IGF2R: variants seen among roughly 807,000 people sequenced by gnomAD.
IGF2R encodes insulin like growth factor 2 receptor, also known as cation-independent mannose-6-phosphate receptor.
IGF2R carries 91 observed loss-of-function variants against 270.6 expected under a neutral mutation model. The ratio of observed to expected loss-of-function variants is 0.34; its 90% CI spans 0.28 to 0.40. The LOEUF (loss-of-function observed/expected upper bound fraction) is 0.40. Among genes scored for constraint, IGF2R ranks in the 10% least tolerant of loss-of-function variants. The probability of loss-of-function intolerance (pLI) is 1.00; values close to 1 mark genes in which losing one functional copy is unlikely to be tolerated. For synonymous variants in IGF2R, 1,316 were observed against 1,258.9 expected, an observed-to-expected ratio of 1.05 and a Z score of -0.96; for missense variants, 2,805 against 3,188.3, an observed-to-expected ratio of 0.88 and a Z score of 2.90.
intron 39 of IGF2R, among the ~76,000 whole-genome samples, chr6:160,082,417 C>T (rs1459470774): frequency 6.6e-6 from 1 of 151,858 alleles, no homozygotes; most frequent in Non-Finnish European, 1.5e-5. Context: ...TCAAGTGATA[C>T]TCCTGCCTCA....
At chr6:160,008,121 G>T (rs926826249) in intron 2 of IGF2R, among the ~76,000 whole-genome samples, 3 of 152,210 alleles carry the variant, frequency 2.0e-5, no homozygotes, top group African/African-American at 2.4e-5. Context: ...ACAAGTTTGT[G>T]TTGGGCTGCA....
intron 17 of IGF2R, 82 bp downstream of exon 17, chr6:160,047,989 C>A: frequency 1.1e-6 from 1 of 919,264 alleles, no homozygotes; most frequent in Admixed American, 1.8e-5. Context: ...TGTGACTGAG[C>A]TGATGATGGG....
At chr6:159,981,313 CTG>C (rs557355544) in intron 1 of IGF2R, among the ~76,000 whole-genome samples, 20 of 151,674 alleles carry the variant, frequency 1.3e-4, no homozygotes, top group African/African-American at 3.6e-4. Context: ...GTCTGAGTGT[CTG>C]TGAGTGCAAG....
At chr6:160,086,786 A>G (rs1779105885) in intron 41 of IGF2R, among the ~76,000 whole-genome samples, 1 of 152,208 alleles carries the variant, frequency 6.6e-6, no homozygotes, top group Non-Finnish European at 1.5e-5. Flanking sequence ...AGCAGCCCTC[A>G]GTACCTCAGC....
At chr6:160,087,730 C>T (rs1470096286) in intron 41 of IGF2R, among the ~76,000 whole-genome samples, 1 of 152,170 alleles carries the variant, frequency 6.6e-6, no homozygotes, top group African/African-American at 2.4e-5. Context: ...AGTGCAATGG[C>T]GCCATCTCGA....
At chr6:160,061,037 G>GA (rs1023927984) in intron 23 of IGF2R, among the ~76,000 whole-genome samples, 61 of 150,570 alleles carry the variant, frequency 4.1e-4, no homozygotes, top group African/African-American at 1.5e-3. Flanking sequence ...ATTTGAGGGT[G>GA]AAAAAAAAAG....
chr6:160,030,759 A>C (rs1777677822), intron 7 of IGF2R, among the ~76,000 whole-genome samples: 1 of 150,598 alleles, frequency 6.6e-6, no homozygotes, highest in African/African-American at 2.4e-5. Flanking sequence ...AAGGGGTATG[A>C]GGCATTTCTT....
At chr6:160,078,410 A>G in intron 37 of IGF2R, 48 bp downstream of exon 37, 1 of 1,563,862 alleles carries the variant, frequency 6.4e-7, no homozygotes, top group Non-Finnish European at 8.8e-7. Context: ...ACCAGGTGCC[A>G]GGTGCTGTGA....
intron 43 of IGF2R, 149 bp downstream of exon 43, chr6:160,089,402 T>G: frequency 1.5e-6 from 1 of 659,896 alleles, no homozygotes; most frequent in South Asian, 2.3e-5. Context: ...TTGCTTAAAC[T>G]GAGGAAAAGC....
At chr6:160,088,833 C>CACATTACTGATG (rs1157229088) in intron 42 of IGF2R, among the ~76,000 whole-genome samples, 2 of 152,172 alleles carry the variant, frequency 1.3e-5, no homozygotes, top group Non-Finnish European at 2.9e-5. Context: ...CTGATGTGTG[C>CACATTACTGATG]ACCACAGTCA....
rs944777265 is a variant in IGF2R at position 160,042,008 on chromosome 6, T to A, written c.1481-1140T>A. 2.6e-4 allele frequency among the ~76,000 whole-genome samples: 40 copies of A among 151,826 alleles called. 1 individual carries two copies. The highest frequency in any genetic ancestry group is 5.2e-4 in the Non-Finnish European group (35 of 67,942). ...TTCCTTAAGTTAACTTTTTTTTTTT[T>A]AAACATTACTGTGTATAAGAGACAA... On this transcript the variant is annotated intron_variant, in intron 11 of 47. Coordinates refer to ENST00000356956, the MANE Select transcript of IGF2R (RefSeq NM_000876.4).
intron 2 of IGF2R, among the ~76,000 whole-genome samples, chr6:159,994,888 A>G (rs1307385100): frequency 6.6e-6 from 1 of 152,148 alleles, no homozygotes; most frequent in African/African-American, 2.4e-5. Flanking sequence ...AGACTGTTCC[A>G]TGTGCTAAGA....
chr6:160,009,332 A>G (rs1310571466), intron 3 of IGF2R, among the ~76,000 whole-genome samples, 198 bp downstream of exon 3: 1 of 152,226 alleles, frequency 6.6e-6, no homozygotes, highest in Non-Finnish European at 1.5e-5. Flanking sequence ...TTTTAAGTAA[A>G]ACATAGACCA....
In IGF2R at chr6:160,072,846, G is replaced by A; in HGVS notation, c.4652G>A (p.Ser1551Asn). The change falls in exon 33 of 48, where the codon AGC becomes AAC. Residue 1551 changes from serine to asparagine, a missense_variant. Transcript: ENST00000356956. ...AGCGAGAAGGGGTTGGTTTACATGAGCATCTGTGGGGAGAATGAAAACTGC... is the reference window on the plus strand; with the variant it reads ...AGCGAGAAGGGGTTGGTTTACATGAACATCTGTGGGGAGAATGAAAACTGC... ...AYSEKGLVYMSICGENENCPP... is the reference protein window; with the variant it reads ...AYSEKGLVYMNICGENENCPP... 1 of 1,614,128 alleles carries A rather than the reference G, an allele frequency of 6.2e-7. No individual in the cohort carries two copies. The highest frequency in any genetic ancestry group is 8.5e-7 in the Non-Finnish European group (1 of 1,180,008).
intron 1 of IGF2R, among the ~76,000 whole-genome samples, chr6:159,990,514 A>G (rs1339753526): frequency 6.6e-5 from 10 of 152,230 alleles, no homozygotes; most frequent in South Asian, 4.1e-4. Context: ...CTATGAGTCA[A>G]TTAAACCTCT....
chr6:160,087,906 C>T (rs1779130060), intron 41 of IGF2R, 127 bp from the exon 42 acceptor site: 1 of 643,558 alleles, frequency 1.6e-6, no homozygotes, highest in African/African-American at 1.8e-5. Flanking sequence ...TAACTCCTGA[C>T]CTCAAGTGAT....
chr6:160,044,692 C>G (rs1562355242), intron 13 of IGF2R, 35 bp downstream of exon 13: 16 of 1,565,294 alleles, frequency 1.0e-5, no homozygotes, highest in Non-Finnish European at 1.3e-5. Context: ...TCTTTTCTGG[C>G]TTCTGCCAGA....
chr6:160,002,047 G>A (rs1285682968), intron 2 of IGF2R, among the ~76,000 whole-genome samples: 1 of 152,166 alleles, frequency 6.6e-6, no homozygotes, highest in African/African-American at 2.4e-5. Context: ...CATGTTATAT[G>A]TATTAAGTAC....
chr6:160,059,096 A>C lies in IGF2R; in HGVS notation c.3089A>C (p.Lys1030Thr), dbSNP rs199697619. ...TLTYKGPLSA[K>T]GTADAFIVRF... ...ACCTACAAAGGGCCTCTCTCTGCCA[A>C]AGGTGAGCTCAGAGCCATGTTGTTT... Residue 1030 changes from lysine to threonine, a missense_variant and splice_region_variant, in exon 22 of 48, where the codon AAA becomes ACA. This residue lies in a region of IGF2R where 1,851 missense variants were observed against 2,207.2 expected (regional missense o/e 0.84). Transcript: ENST00000356956. The C allele has an allele frequency of 2.2e-4, 349 of 1,613,506 alleles. 1 individual carries two copies. The highest frequency in any genetic ancestry group is 2.8e-4 in the Non-Finnish European group (330 of 1,179,848).
Sources: allele counts gnomAD v4.1 joint callset (sites outside exome capture counted in the v4.1 genomes callset), GRCh38; gene constraint gnomAD v4.1.1; regional missense constraint gnomAD v4.1.1; transcripts MANE v1.5; gene names NCBI Gene and HGNC (gene_info 2026-07-23, HGNC 2026-07-21).